Variants in LIPG observed in about 807,000 individuals in gnomAD.
LIPG encodes the protein lipase G, endothelial type, also known as endothelial lipase.
Under a neutral mutation model 51.8 loss-of-function variants are expected in LIPG, and 34 were observed. The ratio of observed to expected loss-of-function variants is 0.66; its 90% CI spans 0.50 to 0.87. The LOEUF is 0.87. Among genes scored for constraint, LIPG ranks in the 40% least tolerant of loss-of-function variants. LIPG has a pLI of 0.00. For missense variants in LIPG, 580 were observed against 652.7 expected, an observed-to-expected ratio of 0.89 and a Z score of 1.21; for synonymous variants, 246 against 246.1, an observed-to-expected ratio of 1.00 and a Z score of 0.00.
At chr18:49,580,080 C>T (rs1003686546) in intron 5 of LIPG, among the ~76,000 whole-genome samples, 2 of 152,140 alleles carry the variant, frequency 1.3e-5, no homozygotes, top group Non-Finnish European at 2.9e-5. Flanking sequence ...TCCCAAAGTG[C>T]TGGGATTACA....
At chr18:49,577,512 C>T (rs1389460991) in intron 5 of LIPG, among the ~76,000 whole-genome samples, 4 of 148,428 alleles carry the variant, frequency 2.7e-5, no homozygotes, top group South Asian at 2.1e-4. Context: ...CATCCTGGCC[C>T]GTTCTCAATG....
chr18:49,582,117 A>C (rs952955084), intron 6 of LIPG, among the ~76,000 whole-genome samples: 1 of 152,202 alleles, frequency 6.6e-6, no homozygotes, highest in Non-Finnish European at 1.5e-5. Context: ...ATCCAGGGGC[A>C]CGTAGTTAGA....
intron 5 of LIPG, among the ~76,000 whole-genome samples, chr18:49,578,820 A>AGACC (rs1299147849): frequency 6.6e-6 from 1 of 151,216 alleles, no homozygotes; most frequent in Admixed American, 6.6e-5. Flanking sequence ...TAGGGGCTGG[A>AGACC]GACCGGCCCG....
At chr18:49,587,366 C>T (rs1343745939) in intron 9 of LIPG, among the ~76,000 whole-genome samples, 1 of 151,608 alleles carries the variant, frequency 6.6e-6, no homozygotes, top group Admixed American at 6.6e-5. Context: ...GTCAGGAGAT[C>T]GACACAATCC....
At chr18:49,578,158 T>C (rs1326124846) in intron 5 of LIPG, among the ~76,000 whole-genome samples, 4 of 137,682 alleles carry the variant, frequency 2.9e-5, no homozygotes, top group Non-Finnish European at 4.7e-5. Context: ...GGGTGGCTGC[T>C]GGGCGGAGAC....
Position 49,578,583 on chromosome 18 carries a change from C to T in LIPG, c.794-2832C>T, listed in dbSNP as rs1268696745. On this transcript the variant is annotated intron_variant, in intron 5 of 9. Transcript: ENST00000261292. ...GGCTCCTCACATCCCAGACGATGGG[C>T]GGCCAGGCGGAGACACTCCTCACTT... Among the ~76,000 whole-genome samples the T allele has an allele frequency of 1.7e-4, 26 of 151,432 alleles. No homozygotes were observed. The South Asian group carries it at 1.9e-3, about 11-fold the overall frequency.
intron 7 of LIPG, 89 bp downstream of exon 7, chr18:49,582,571 C>G (rs2084831880): frequency 1.3e-6 from 2 of 1,551,922 alleles, no homozygotes; most frequent in Non-Finnish European, 8.9e-7. Flanking sequence ...TGAACGAGTA[C>G]AGCACGCAGG....
intron 4 of LIPG, among the ~76,000 whole-genome samples, chr18:49,571,033 T>C (rs551228914): frequency 2.0e-4 from 31 of 152,362 alleles, no homozygotes; most frequent in African/African-American, 7.2e-4. Context: ...TGCACACACA[T>C]GCCTGTTGAT....
At chr18:49,561,558 C>G, upstream of LIPG, 1 of 717,522 alleles carries the variant, frequency 1.4e-6, no homozygotes, top group Non-Finnish European at 1.9e-6. Flanking sequence ...GCGGCCCTCG[C>G]TAGGCGGGAA....
At chr18:49,562,829 T>C (rs2084565605) in intron 1 of LIPG, among the ~76,000 whole-genome samples, 1 of 152,158 alleles carries the variant, frequency 6.6e-6, no homozygotes, top group Non-Finnish European at 1.5e-5. Flanking sequence ...GTAGGTGTCT[T>C]GAAAGTTCAG....
chr18:49,590,523 G>T lies in LIPG; in HGVS notation c.*1G>T, dbSNP rs775524172. ...CAGTCCCACTGTGGAGCTTCCCTGA[G>T]GGTGCCCGGGCAAGTCTTGCCAGCA... On this transcript the variant is annotated 3_prime_UTR_variant, in exon 10 of 10. Coordinates refer to ENST00000261292, the MANE Select transcript of LIPG (RefSeq NM_006033.4). The T allele has an allele frequency of 4.4e-6, 7 of 1,600,490 alleles. No individual in the cohort carries two copies. In the Admixed American group the frequency reaches 1.2e-4, roughly 27 times the overall value.
chr18:49,564,987 A>G (rs898993039), intron 1 of LIPG, among the ~76,000 whole-genome samples: 3 of 152,192 alleles, frequency 2.0e-5, no homozygotes, highest in African/African-American at 7.2e-5. Flanking sequence ...TCAGAAAAAG[A>G]ACTGAGAACC....
At chr18:49,573,019 TCAGAGCAGGGCAGG>T (rs756914589) in intron 4 of LIPG, among the ~76,000 whole-genome samples, 1 of 152,120 alleles carries the variant, frequency 6.6e-6, no homozygotes, top group Non-Finnish European at 1.5e-5. Flanking sequence ...TCAGGGACAG[TCAGAGCAGGGCAGG>T]CAGGCTCTGG....
At chr18:49,574,341 C>T (rs1301985962) in intron 4 of LIPG, among the ~76,000 whole-genome samples, 1 of 152,070 alleles carries the variant, frequency 6.6e-6, no homozygotes, top group Non-Finnish European at 1.5e-5. Context: ...AATATTTGGC[C>T]CACAGAATAC....
chr18:49,563,984 T>C (rs1254428116), intron 1 of LIPG, among the ~76,000 whole-genome samples: 1 of 152,176 alleles, frequency 6.6e-6, no homozygotes, highest in Non-Finnish European at 1.5e-5. Context: ...GTTGTCGAAC[T>C]CATTATGTCC....
chr18:49,573,646 A>T (rs960707383), intron 4 of LIPG, among the ~76,000 whole-genome samples: 1 of 152,124 alleles, frequency 6.6e-6, no homozygotes, highest in African/African-American at 2.4e-5. Context: ...AGCCTCTACC[A>T]GTTCTCATAT....
Position 49,598,587 on chromosome 18 carries a change from T to C in LIPG, c.*8065T>C, listed in dbSNP as rs1600577395. 6.6e-6 allele frequency: 1 copy of C among 152,394 alleles called. No individual in the cohort carries two copies. The highest frequency in any genetic ancestry group is 1.9e-4 in the East Asian group (1 of 5,200). 9.4% of individuals were successfully genotyped at this position (152,394 alleles called of 1,614,324 possible). A position where few individuals can be genotyped will look rare whatever the true frequency, so the allele number is the denominator to read the frequency against. On this transcript the variant is annotated 3_prime_UTR_variant, in exon 10 of 10. Coordinates refer to ENST00000261292, the MANE Select transcript of LIPG (RefSeq NM_006033.4). Reference sequence around the variant, plus strand: ...TCTCCTCTCCTTCTCCTCTTCTCCTTCTTCTTCTCACAGCTTTTTATTGAC... The same window carrying C: ...TCTCCTCTCCTTCTCCTCTTCTCCTCCTTCTTCTCACAGCTTTTTATTGAC...
At position 49,565,508 on chromosome 18, in the gene LIPG, GGGA is replaced by G; in HGVS notation, c.279+13_279+15del. The G allele has an allele frequency of 6.2e-7, 1 of 1,614,142 alleles. No homozygotes were observed. Reference sequence around the variant, plus strand: ...CATTCACGGATGGACGGTGAGCCCGGGGAGGGAGCTCTGCGGCTTTATATAAGA... The same window carrying G: ...CATTCACGGATGGACGGTGAGCCCGGGGGAGCTCTGCGGCTTTATATAAGA... On this transcript the variant is annotated intron_variant, in intron 2 of 9. Coordinates refer to ENST00000261292, the MANE Select transcript of LIPG (RefSeq NM_006033.4).
chr18:49,587,353 G>T (rs1482941189), intron 9 of LIPG, among the ~76,000 whole-genome samples: 2 of 151,540 alleles, frequency 1.3e-5, no homozygotes, highest in South Asian at 2.1e-4. Flanking sequence ...GGCGGATCAC[G>T]AGGTCAGGAG....
Sources: allele counts gnomAD v4.1 joint callset (sites outside exome capture counted in the v4.1 genomes callset), GRCh38; gene constraint gnomAD v4.1.1; transcripts MANE v1.5; gene names NCBI Gene and HGNC (gene_info 2026-07-23, HGNC 2026-07-21).